Variants in NTM observed in about 807,000 individuals in gnomAD.
NTM encodes the protein IgLON family member 2.
Under a neutral mutation model 42.1 loss-of-function variants are expected in NTM, and 13 were observed. The observed-to-expected ratio is 0.31, with a 90% confidence interval of 0.20 to 0.49. The LOEUF (loss-of-function observed/expected upper bound fraction) is 0.49, where lower values mean the gene tolerates loss of function less well. NTM is among the 20% of genes least tolerant of loss of function. The pLI is 0.99. For synonymous variants in NTM, 187 were observed against 179.2 expected (o/e 1.04, Z -0.35); for missense variants, 373 against 452.8 (o/e 0.82, Z 1.60).
At chr11:131,451,433 G>A (rs554658992) in intron 1 of NTM, among the ~76,000 whole-genome samples, 1 of 152,278 alleles carries the variant, frequency 6.6e-6, no homozygotes, top group Admixed American at 6.5e-5. Flanking sequence ...AGTGAGAGGA[G>A]GGAGAAATTC....
intron 1 of NTM, among the ~76,000 whole-genome samples, chr11:131,385,576 G>A (rs1943213995): frequency 6.6e-6 from 1 of 152,190 alleles, no homozygotes; most frequent in Non-Finnish European, 1.5e-5. Context: ...AAACAGGCTG[G>A]GCTCAGTGGT....
intron 4 of NTM, among the ~76,000 whole-genome samples, chr11:132,239,765 G>A (rs2089828504): frequency 6.6e-6 from 1 of 152,176 alleles, no homozygotes; most frequent in African/African-American, 2.4e-5. Context: ...TATGTGTGAT[G>A]TGTTTCATCC....
chr11:131,421,293 G>A (rs1000566530), intron 1 of NTM, among the ~76,000 whole-genome samples: 11 of 152,144 alleles, frequency 7.2e-5, no homozygotes, highest in African/African-American at 2.2e-4. Flanking sequence ...TCTGTGAAGC[G>A]ACAGGGTTCA....
intron 1 of NTM, among the ~76,000 whole-genome samples, chr11:131,474,953 C>T (rs1952783119): frequency 6.6e-6 from 1 of 152,330 alleles, no homozygotes; most frequent in Non-Finnish European, 1.5e-5. Context: ...GCTGGGCTTT[C>T]TCTCTAGCCT....
rs1302710703 is a variant in NTM at position 131,613,967 on chromosome 11, G to A, written c.82+243079G>A. Among the ~76,000 whole-genome samples, 11 of 152,222 alleles carry A rather than the reference G, an allele frequency of 7.2e-5. No individual in the cohort carries two copies. The South Asian group carries it at 2.1e-3, about 29-fold the overall frequency. ...TGTCTGTGAAATTCTCTTTCTACAC[G>A]CAGACATGCACCATGTTTTTCCCTC... On this transcript the variant is annotated intron_variant, in intron 1 of 8. Transcript: ENST00000683400.
At chr11:131,810,703 G>T (rs1193825110) in intron 1 of NTM, among the ~76,000 whole-genome samples, 1 of 152,208 alleles carries the variant, frequency 6.6e-6, no homozygotes, top group Non-Finnish European at 1.5e-5. Context: ...CAGATGGTTT[G>T]GTCACTGTGC....
At chr11:132,075,994 T>G (rs2058314005) in intron 2 of NTM, among the ~76,000 whole-genome samples, 1 of 152,184 alleles carries the variant, frequency 6.6e-6, no homozygotes, top group Admixed American at 6.5e-5. Flanking sequence ...CATACTTTCA[T>G]CATTTATTTT....
chr11:131,444,839 G>T (rs1949922037), intron 1 of NTM, among the ~76,000 whole-genome samples: 1 of 152,144 alleles, frequency 6.6e-6, no homozygotes, highest in South Asian at 2.1e-4. Flanking sequence ...GTAAGAGAAG[G>T]TTATATGTGG....
intron 1 of NTM, among the ~76,000 whole-genome samples, chr11:131,723,372 A>G (rs2078595477): frequency 6.6e-6 from 1 of 152,252 alleles, no homozygotes; most frequent in Admixed American, 6.5e-5. Flanking sequence ...AGCGATGTAG[A>G]TTACGCAGCA....
intron 2 of NTM, among the ~76,000 whole-genome samples, chr11:132,126,511 G>A (rs2065862707): frequency 6.6e-6 from 1 of 152,198 alleles, no homozygotes; most frequent in Non-Finnish European, 1.5e-5. Context: ...CTGGCAGTGT[G>A]CGGGGACTTC....
chr11:132,321,825 A>G (rs540170311), intron 7 of NTM, among the ~76,000 whole-genome samples: 1 of 150,098 alleles, frequency 6.7e-6, no homozygotes, highest in African/African-American at 2.5e-5. Flanking sequence ...CTAACAGCGG[A>G]TCTCTCGGCA....
At chr11:132,020,460 T>C (rs142143173) in intron 2 of NTM, among the ~76,000 whole-genome samples, 2,228 of 152,112 alleles carry the variant, frequency 0.015, 79 homozygotes, top group Admixed American at 0.085. Flanking sequence ...TAGATAAATA[T>C]TATAGTGTAC....
chr11:131,623,092 G>T (rs1262455347), intron 1 of NTM, among the ~76,000 whole-genome samples: 3 of 152,228 alleles, frequency 2.0e-5, no homozygotes, highest in Non-Finnish European at 2.9e-5. Flanking sequence ...AGACACAGGG[G>T]CTTCTCTATA....
chr11:132,128,358 T>A (rs2066208681), intron 2 of NTM, among the ~76,000 whole-genome samples: 1 of 152,166 alleles, frequency 6.6e-6, no homozygotes, highest in Non-Finnish European at 1.5e-5. Context: ...ATACACAATG[T>A]TACATCTCAA....
At chr11:132,131,741 C>G (rs1284492206) in intron 2 of NTM, among the ~76,000 whole-genome samples, 3 of 152,148 alleles carry the variant, frequency 2.0e-5, no homozygotes, top group Non-Finnish European at 4.4e-5. Context: ...AAGTGATTCT[C>G]AAACAGATTT....
At chr11:131,660,658 C>T (rs994189158) in intron 1 of NTM, 1 of 445,078 alleles carries the variant, frequency 2.2e-6, no homozygotes, top group South Asian at 1.6e-5. Context: ...TCCTTCCTGA[C>T]CTTTCATCCA....
Position 132,007,069 on chromosome 11 carries a change from G to T in NTM, c.167+95421G>T, listed in dbSNP as rs1323639106. Among the ~76,000 whole-genome samples, 3 of 152,178 alleles carry T rather than the reference G, an allele frequency of 2.0e-5. No homozygotes were observed. In the East Asian group the frequency reaches 5.8e-4, roughly 29 times the overall value. ...CAAGACTGTGACTGCCCCACTGGGG[G>T]TTCCTGAGTGAATGGATGAAAAAAG... On this transcript the variant is annotated intron_variant, in intron 2 of 8. Coordinates refer to ENST00000683400, the MANE Select transcript of NTM (RefSeq NM_001352005.2).
At chr11:132,236,805 C>T (rs2089025467) in intron 4 of NTM, among the ~76,000 whole-genome samples, 1 of 152,188 alleles carries the variant, frequency 6.6e-6, no homozygotes, top group Non-Finnish European at 1.5e-5. Context: ...AATGGCTGGC[C>T]TTACTGACTC....
At chr11:132,227,424 A>G (rs2086543646) in intron 4 of NTM, among the ~76,000 whole-genome samples, 1 of 152,208 alleles carries the variant, frequency 6.6e-6, no homozygotes, top group South Asian at 2.1e-4. Flanking sequence ...AATTTTGCTG[A>G]GAAGTTTCAC....
Sources: allele counts gnomAD v4.1 joint callset (sites outside exome capture counted in the v4.1 genomes callset), GRCh38; gene constraint gnomAD v4.1.1; transcripts MANE v1.5; gene names NCBI Gene and HGNC (gene_info 2026-07-23, HGNC 2026-07-21).